The following MDN1 variants were observed in gnomAD, a reference collection of about 807,000 sequenced individuals.
MDN1 encodes midasin AAA ATPase 1.
A neutral mutation model predicts 669.2 loss-of-function variants in MDN1; 266 were observed. That is an observed-to-expected ratio of 0.40 (90% CI 0.36 to 0.44). The LOEUF (loss-of-function observed/expected upper bound fraction) is 0.44. MDN1 is among the 20% of genes least tolerant of loss of function. The probability of loss-of-function intolerance (pLI) is 1.00; values close to 1 mark genes in which losing one functional copy is unlikely to be tolerated. For missense variants in MDN1, 5,940 were observed against 6,754.0 expected (o/e 0.88, Z 4.22); for synonymous variants, 2,385 against 2,457.1 (o/e 0.97, Z 0.87).
At chr6:89,816,776 G>C (rs965849964) in intron 1 of MDN1, among the ~76,000 whole-genome samples, 11 of 149,594 alleles carry the variant, frequency 7.4e-5, no homozygotes, top group African/African-American at 2.7e-4. Context: ...CCGGGTTCAC[G>C]CCATTCTCCT....
At chr6:89,656,871 T>C (rs763208412) in intron 90 of MDN1, 70 bp from the exon 91 acceptor site, 111 of 1,286,592 alleles carry the variant, frequency 8.6e-5, no homozygotes, top group Non-Finnish European at 1.1e-4. Flanking sequence ...CTGTGCTGCA[T>C]TGAATACAAC....
chr6:89,801,841 A>C (rs1767686994), intron 2 of MDN1, among the ~76,000 whole-genome samples: 1 of 151,868 alleles, frequency 6.6e-6, no homozygotes, highest in South Asian at 2.1e-4. Flanking sequence ...GTGCATCTGT[A>C]GTCCCAGCTA....
At position 89,811,821 on chromosome 6, in the gene MDN1, C is replaced by G. The variant is rs906047986; in HGVS notation, c.102+7685G>C. ...TGCCTTTCTTCTTGGGAGACTGGGA[C>G]CCACTGGAAAAGGGAAAGGACTGCA... On this transcript the variant is annotated intron_variant, in intron 1 of 101. Transcript: ENST00000369393. Among the ~76,000 whole-genome samples the G allele has an allele frequency of 3.3e-5, 5 of 152,080 alleles. No individual in the cohort carries two copies. The South Asian group carries it at 1.0e-3, about 32-fold the overall frequency.
chr6:89,653,307 C>G, intron 93 of MDN1, 152 bp from the exon 94 acceptor site: 1 of 741,094 alleles, frequency 1.3e-6, no homozygotes, highest in Non-Finnish European at 2.1e-6. Context: ...GGTTCTTTCT[C>G]TCTGAGACAC....
chr6:89,657,242 G>A (rs906418321), intron 90 of MDN1, among the ~76,000 whole-genome samples: 2 of 152,174 alleles, frequency 1.3e-5, no homozygotes, highest in Non-Finnish European at 2.9e-5. Flanking sequence ...CTGAAGTACT[G>A]AAAATGCTTA....
At chr6:89,647,321 A>G (rs1409481994) in intron 99 of MDN1, among the ~76,000 whole-genome samples, 3 of 152,254 alleles carry the variant, frequency 2.0e-5, no homozygotes, top group African/African-American at 7.2e-5. Flanking sequence ...GAATCAGAGC[A>G]GGACCCAGGA....
At chr6:89,757,789 T>G (rs185904145) in intron 19 of MDN1, among the ~76,000 whole-genome samples, 22 of 152,180 alleles carry the variant, frequency 1.4e-4, no homozygotes, top group African/African-American at 5.3e-4. Context: ...CTCACACCTG[T>G]AATCCCAGCA....
intron 59 of MDN1, among the ~76,000 whole-genome samples, chr6:89,698,499 T>C (rs547635654): frequency 1.7e-3 from 259 of 152,346 alleles, no homozygotes; most frequent in Non-Finnish European, 3.4e-3. Context: ...TGTTTACGTA[T>C]GTATTTAATA....
chr6:89,645,057 A>G lies in MDN1; in HGVS notation c.16560T>C (p.Asn5520=). 1 of 1,610,006 alleles carries G rather than the reference A, an allele frequency of 6.2e-7. No homozygotes were observed. Among genetic ancestry groups the G allele is most frequent in the Admixed American group, 1.7e-5 (1 of 59,968 alleles). Residue 5520 remains asparagine, a synonymous_variant, in exon 101 of 102, where the codon AAT becomes AAC. Coordinates refer to ENST00000369393, the MANE Select transcript of MDN1 (RefSeq NM_014611.3). ...LAAVQAARNA[N]IFVIFVVLDN... ...CCAATACAACAAAGATGACAAAGAT[A>G]TTTGCATTCCGGGCAGCCTGAACTG...
In MDN1 at chr6:89,686,885, G is replaced by A. The variant is rs1812049670; in HGVS notation, c.11572+17C>T. On this transcript the variant is annotated intron_variant, in intron 69 of 101. Transcript: ENST00000369393. ...GGGAAGCTCTAAGTGGGCAGGAAATGTACTGCTAGGCATTACCTTCCTGTT... is the reference window on the plus strand; with the variant it reads ...GGGAAGCTCTAAGTGGGCAGGAAATATACTGCTAGGCATTACCTTCCTGTT... The A allele has an allele frequency of 1.2e-6, 2 of 1,613,100 alleles. No individual in the cohort carries two copies. The highest frequency in any genetic ancestry group is 3.3e-5 in the Admixed American group (2 of 59,812).
chr6:89,725,195 T>C lies in MDN1; in HGVS notation c.5670+4A>G. 6.2e-7 allele frequency: 1 copy of C among 1,613,800 alleles called. No homozygotes were observed. The highest frequency in any genetic ancestry group is 8.5e-7 in the Non-Finnish European group (1 of 1,179,766). ...TTGGTCTCTATGGCAACAGCAAATC[T>C]TACCTGAGTGAATCTGTTAAGGAAA... On this transcript the variant is annotated splice_donor_region_variant and intron_variant, in intron 38 of 101. Coordinates refer to ENST00000369393, the MANE Select transcript of MDN1 (RefSeq NM_014611.3).
At chr6:89,683,804 T>G in intron 72 of MDN1, 27 bp downstream of exon 72, 1 of 1,578,816 alleles carries the variant, frequency 6.3e-7, no homozygotes, top group Non-Finnish European at 8.7e-7. Flanking sequence ...CTATTTTGGT[T>G]GTCTCCAGTT....
At chr6:89,687,244 C>A in intron 68 of MDN1, 100 bp downstream of exon 68, 2 of 1,224,602 alleles carry the variant, frequency 1.6e-6, no homozygotes, top group South Asian at 2.9e-5. Context: ...AAAGCACATT[C>A]TGTAGCTGTA....
intron 79 of MDN1, 81 bp downstream of exon 79, chr6:89,674,023 C>G: frequency 1.3e-6 from 2 of 1,547,766 alleles, no homozygotes; most frequent in Non-Finnish European, 8.7e-7. Context: ...TGTTCACACC[C>G]TTCCCTTCCC....
Position 89,750,374 on chromosome 6 carries a change from C to T in MDN1, c.3386G>A (p.Gly1129Glu), listed in dbSNP as rs756542709. 16 of 1,610,638 alleles carry T rather than the reference C, an allele frequency of 9.9e-6. No homozygotes were observed. Among genetic ancestry groups the T allele is most frequent in the Admixed American group, 6.7e-5 (4 of 59,968 alleles). Residue 1129 changes from glycine to glutamate, a missense_variant, in exon 24 of 102, where the codon GGG becomes GAG. By Grantham distance (98) the Gly-to-Glu change is moderately conservative. Around this residue, in one of 5 missense-constraint regions of MDN1, gnomAD observed 2,292 missense variants for 2,638.3 expected, o/e 0.87. Coordinates refer to ENST00000369393, the MANE Select transcript of MDN1 (RefSeq NM_014611.3). ...YIGCYTSDSS[G>E]KLVFKEGVLI... ...CCTACCTTCCTTAAAGACAAGCTTCCCTGAGGAGTCAGACGTGTAACAACC... is the reference window on the plus strand; with the variant it reads ...CCTACCTTCCTTAAAGACAAGCTTCTCTGAGGAGTCAGACGTGTAACAACC...
At chr6:89,689,147 C>A (rs957425960) in intron 65 of MDN1, among the ~76,000 whole-genome samples, 1 of 152,174 alleles carries the variant, frequency 6.6e-6, no homozygotes, top group Non-Finnish European at 1.5e-5. Flanking sequence ...GCCTGAGAAA[C>A]AGAGCATCAG....
intron 87 of MDN1, among the ~76,000 whole-genome samples, 191 bp from the exon 88 acceptor site, chr6:89,661,769 G>C (rs1809785030): frequency 6.6e-6 from 1 of 152,106 alleles, no homozygotes; most frequent in Non-Finnish European, 1.5e-5. Context: ...TTCACTTTCT[G>C]TGCAGGTTAT....
intron 94 of MDN1, among the ~76,000 whole-genome samples, chr6:89,652,579 C>T (rs929135382): frequency 2.6e-5 from 4 of 152,208 alleles, no homozygotes; most frequent in Non-Finnish European, 5.9e-5. Context: ...TCTGATTAAT[C>T]AAATAAGTCA....
At chr6:89,729,917 G>A (rs1815486403) in intron 35 of MDN1, among the ~76,000 whole-genome samples, 1 of 152,028 alleles carries the variant, frequency 6.6e-6, no homozygotes, top group African/African-American at 2.4e-5. Flanking sequence ...GGAGCTCTGA[G>A]GACAGGGGCA....
Sources: allele counts gnomAD v4.1 joint callset (sites outside exome capture counted in the v4.1 genomes callset), GRCh38; gene constraint gnomAD v4.1.1; regional missense constraint gnomAD v4.1.1; transcripts MANE v1.5; gene names NCBI Gene and HGNC (gene_info 2026-07-23, HGNC 2026-07-21).